Variants in RPS6KC1 observed in about 807,000 individuals in gnomAD.
The protein encoded by RPS6KC1 is ribosomal protein S6 kinase C1.
RPS6KC1 carries 54 observed loss-of-function variants against 103.8 expected under a neutral mutation model. The ratio of observed to expected loss-of-function variants is 0.52; its 90% CI spans 0.42 to 0.65. The LOEUF (loss-of-function observed/expected upper bound fraction) is 0.65. Ranked by LOEUF, RPS6KC1 falls within the 30% of genes least tolerant of loss-of-function variation. The pLI is 0.00. For synonymous variants in RPS6KC1, 439 were observed against 438.7 expected (o/e 1.00, Z -0.01); for missense variants, 1,151 against 1,253.8 (o/e 0.92, Z 1.24).
the RPS6KC1 span, among the ~76,000 whole-genome samples, chr1:213,675,449 A>G: frequency 6.6e-6 from 1 of 152,182 alleles, no homozygotes; most frequent in Non-Finnish European, 1.5e-5. Flanking sequence ...TGGCATGTAT[A>G]TGGCAAAAGG....
At position 213,250,016 on chromosome 1, in the gene RPS6KC1, T is replaced by G. The variant is rs551364817; in HGVS notation, c.2911+7358T>G. Reference sequence around the variant, plus strand: ...TGGGAGAAAAGTGGAATTAGACATGTAGCCAAGCCTAGCCTGAACTAGCTG... The same window carrying G: ...TGGGAGAAAAGTGGAATTAGACATGGAGCCAAGCCTAGCCTGAACTAGCTG... On this transcript the variant is annotated intron_variant, in intron 12 of 14. Transcript: ENST00000366960. 2.6e-5 allele frequency among the ~76,000 whole-genome samples: 4 copies of G among 152,290 alleles called. No homozygotes were observed. The East Asian group carries it at 5.8e-4, about 22-fold the overall frequency.
At chr1:213,725,552 G>A in the RPS6KC1 span, among the ~76,000 whole-genome samples, 1 of 152,170 alleles carries the variant, frequency 6.6e-6, no homozygotes. Flanking sequence ...CCTGCTGTGG[G>A]TACTGCTTCA....
the RPS6KC1 span, among the ~76,000 whole-genome samples, chr1:213,803,882 T>C: frequency 6.1e-5 from 9 of 147,998 alleles, no homozygotes; most frequent in African/African-American, 2.0e-4. Context: ...TGAATCTATA[T>C]CATGGGGATC....
the RPS6KC1 span, among the ~76,000 whole-genome samples, chr1:213,832,216 G>T: frequency 6.6e-6 from 1 of 152,162 alleles, no homozygotes; most frequent in Non-Finnish European, 1.5e-5. Flanking sequence ...ATTTGCCTAA[G>T]ACCTTAACCT....
chr1:213,844,575 A>G, the RPS6KC1 span, among the ~76,000 whole-genome samples: 1 of 152,212 alleles, frequency 6.6e-6, no homozygotes. Context: ...TGCTTTTATT[A>G]ACTATGTAAG....
At chr1:213,498,514 G>T in the RPS6KC1 span, among the ~76,000 whole-genome samples, 1 of 152,092 alleles carries the variant, frequency 6.6e-6, no homozygotes, top group Non-Finnish European at 1.5e-5. Context: ...GAGTGCAGTG[G>T]TGCGATCTTG....
the RPS6KC1 span, among the ~76,000 whole-genome samples, chr1:213,835,448 G>A: frequency 1.3e-5 from 2 of 152,314 alleles, no homozygotes; most frequent in African/African-American, 2.4e-5. Flanking sequence ...CGCTGGGGAT[G>A]GAAGGCAGGT....
In RPS6KC1 at chr1:213,253,145, AT is replaced by A. The variant is rs2094574187; in HGVS notation, c.2912-8412del. 2.0e-5 allele frequency among the ~76,000 whole-genome samples: 3 copies of A among 152,286 alleles called. No individual in the cohort carries two copies. In the South Asian group the frequency reaches 6.2e-4, roughly 32 times the overall value. On this transcript the variant is annotated intron_variant, in intron 12 of 14. Coordinates refer to ENST00000366960, the MANE Select transcript of RPS6KC1 (RefSeq NM_012424.6). ...CTGAACATACTGTATTTCCTGCTGT[AT>A]CTTGGGGAGAGAAGATAGCAACAAC... is the stretch of plus-strand genomic sequence containing the variant.
At chr1:213,366,526 G>A in the RPS6KC1 span, among the ~76,000 whole-genome samples, 6 of 152,354 alleles carry the variant, frequency 3.9e-5, no homozygotes, top group South Asian at 4.1e-4. Context: ...GGGCCACACA[G>A]TCTCCATCAT....
At chr1:213,529,047 C>A in the RPS6KC1 span, among the ~76,000 whole-genome samples, 3 of 152,146 alleles carry the variant, frequency 2.0e-5, no homozygotes, top group South Asian at 6.2e-4. Flanking sequence ...GGAACCTCAT[C>A]CATGAGCAAA....
In RPS6KC1 at chr1:213,176,427, C is replaced by G; in HGVS notation, c.979C>G (p.Leu327Val). The G allele has an allele frequency of 6.2e-7, 1 of 1,608,478 alleles. No individual in the cohort carries two copies. Among genetic ancestry groups the G allele is most frequent in the South Asian group, 1.1e-5 (1 of 90,436 alleles). ...QPPGSLSSRP[L>V]WNLRSPAEEL... The stretch of plus-strand genomic sequence containing the variant: ...TCCAGGATCACTAAGTTCAAGGCCC[C>G]TTTGGAACCTAAGGAGCCCTGCCGA... The change falls in exon 8 of 15, where the codon CTT (leucine) becomes GTT (valine). Residue 327 changes from leucine (L) to valine (V), a missense_variant. This residue lies in a region of RPS6KC1 where 959 missense variants were observed against 1,006.3 expected (regional missense o/e 0.95). Transcript: ENST00000366960.
At chr1:213,511,274 G>A in the RPS6KC1 span, among the ~76,000 whole-genome samples, 2 of 152,158 alleles carry the variant, frequency 1.3e-5, no homozygotes, top group Non-Finnish European at 2.9e-5. Flanking sequence ...ATGCAAGTGT[G>A]TGGAAGCTGT....
chr1:213,388,269 A>G, the RPS6KC1 span, among the ~76,000 whole-genome samples: 1 of 152,254 alleles, frequency 6.6e-6, no homozygotes, highest in Admixed American at 6.5e-5. Context: ...GGGGGAAGTC[A>G]TTGAACAGAA....
the RPS6KC1 span, among the ~76,000 whole-genome samples, chr1:213,445,918 C>T: frequency 6.6e-6 from 1 of 152,170 alleles, no homozygotes; most frequent in African/African-American, 2.4e-5. Flanking sequence ...CTGAGAAGCC[C>T]TGTGCACCGA....
chr1:213,072,664 A>G (rs1276380107), intron 2 of RPS6KC1, among the ~76,000 whole-genome samples: 1 of 152,234 alleles, frequency 6.6e-6, no homozygotes, highest in Non-Finnish European at 1.5e-5. Flanking sequence ...AAAAAAATGT[A>G]TACATACATA....
At chr1:213,108,812 C>T (rs2082733024) in intron 4 of RPS6KC1, among the ~76,000 whole-genome samples, 1 of 151,922 alleles carries the variant, frequency 6.6e-6, no homozygotes. Context: ...CCACACCCAG[C>T]TTATTTTTAA....
the RPS6KC1 span, among the ~76,000 whole-genome samples, chr1:213,608,046 G>C: frequency 3.0e-4 from 46 of 152,308 alleles, 1 homozygote; most frequent in Non-Finnish European, 5.3e-4. Context: ...GAAGTCACAT[G>C]CAGGACATGT....
chr1:213,599,207 C>A, the RPS6KC1 span, among the ~76,000 whole-genome samples: 1 of 152,130 alleles, frequency 6.6e-6, no homozygotes, highest in African/African-American at 2.4e-5. Context: ...TTGTTATAAA[C>A]AGCTCTATTC....
chr1:213,344,263 A>G, the RPS6KC1 span, among the ~76,000 whole-genome samples: 2 of 152,342 alleles, frequency 1.3e-5, no homozygotes, highest in Admixed American at 6.5e-5. Flanking sequence ...CTCCAAGAGG[A>G]ATGTTTTTAA....
Sources: allele counts gnomAD v4.1 joint callset (sites outside exome capture counted in the v4.1 genomes callset), GRCh38; gene constraint gnomAD v4.1.1; regional missense constraint gnomAD v4.1.1; transcripts MANE v1.5; gene names NCBI Gene and HGNC (gene_info 2026-07-23, HGNC 2026-07-21).